The following HS2ST1 variants were observed in gnomAD, a reference collection of about 807,000 sequenced individuals.
The protein encoded by HS2ST1 is heparan sulfate 2-O-sulfotransferase 1, also known as 2-O-sulfotransferase.
Under a neutral mutation model 42.9 loss-of-function variants are expected in HS2ST1, and 18 were observed. That is an observed-to-expected ratio of 0.42 (90% CI 0.29 to 0.62). The LOEUF (loss-of-function observed/expected upper bound fraction) is 0.62. Among genes scored for constraint, HS2ST1 ranks in the 20% least tolerant of loss-of-function variants. The pLI is 0.21. For synonymous variants in HS2ST1, 146 were observed against 152.9 expected, an observed-to-expected ratio of 0.95 and a Z score of 0.33; for missense variants, 334 against 433.8, an observed-to-expected ratio of 0.77 and a Z score of 2.04.
intron 1 of HS2ST1, among the ~76,000 whole-genome samples, chr1:87,005,787 G>T (rs957860262): frequency 6.6e-6 from 1 of 152,122 alleles, no homozygotes; most frequent in African/African-American, 2.4e-5. Flanking sequence ...AAAATTTGGT[G>T]TACTTTGAAG....
chr1:87,003,283 T>C (rs1315487988), intron 1 of HS2ST1, among the ~76,000 whole-genome samples: 1 of 69,646 alleles, frequency 1.4e-5, no homozygotes, highest in African/African-American at 3.4e-5. Flanking sequence ...TAGGCTAAGA[T>C]TCAGGAGAAA....
chr1:87,102,100 C>T (rs1458202160), intron 5 of HS2ST1, among the ~76,000 whole-genome samples: 3 of 152,092 alleles, frequency 2.0e-5, no homozygotes, highest in Non-Finnish European at 4.4e-5. Context: ...TCTTGTCGCC[C>T]AGGCTGGAGT....
At chr1:87,083,770 A>C (rs901120520) in intron 2 of HS2ST1, among the ~76,000 whole-genome samples, 83 of 152,334 alleles carry the variant, frequency 5.4e-4, no homozygotes, top group African/African-American at 1.8e-3. Flanking sequence ...TTGTTGAGTC[A>C]TTAATAAAAA....
chr1:86,985,152 G>A (rs1428661509), intron 1 of HS2ST1, among the ~76,000 whole-genome samples: 1 of 149,300 alleles, frequency 6.7e-6, no homozygotes, highest in Non-Finnish European at 1.5e-5. Context: ...TCAGGAGATC[G>A]ACACCATCCT....
intron 1 of HS2ST1, among the ~76,000 whole-genome samples, chr1:87,072,623 G>A (rs1176211896): frequency 1.3e-5 from 2 of 151,976 alleles, no homozygotes; most frequent in African/African-American, 4.8e-5. Flanking sequence ...ATTCCTTTTT[G>A]TTCTTGATAT....
At chr1:86,999,539 C>T (rs944416375) in intron 1 of HS2ST1, among the ~76,000 whole-genome samples, 1 of 152,232 alleles carries the variant, frequency 6.6e-6, no homozygotes, top group East Asian at 1.9e-4. Flanking sequence ...TTTTGTTTAT[C>T]TATTAATAAT....
At chr1:87,104,407 T>C in intron 6 of HS2ST1, 63 bp from the exon 7 acceptor site, 1 of 1,015,476 alleles carries the variant, frequency 9.8e-7, no homozygotes, top group Non-Finnish European at 1.5e-6. Flanking sequence ...TAAAGAGGCA[T>C]TGATCTTTTG....
chr1:86,974,591 C>T (rs57181468), intron 1 of HS2ST1, among the ~76,000 whole-genome samples: 3,573 of 152,278 alleles, frequency 0.023, 72 homozygotes, highest in African/African-American at 0.049. Context: ...AGGACCCTTA[C>T]TTGGAACTGG....
intron 1 of HS2ST1, among the ~76,000 whole-genome samples, chr1:86,989,646 G>C (rs1648886125): frequency 6.6e-6 from 1 of 152,084 alleles, no homozygotes; most frequent in African/African-American, 2.4e-5. Context: ...AGGTATACAC[G>C]TGCCATGGTG....
chr1:86,935,107 T>G (rs1660618003), intron 1 of HS2ST1, among the ~76,000 whole-genome samples: 1 of 152,068 alleles, frequency 6.6e-6, no homozygotes, highest in Non-Finnish European at 1.5e-5. Flanking sequence ...GGAATTTAGC[T>G]GTGTAGGGAT....
intron 1 of HS2ST1, among the ~76,000 whole-genome samples, chr1:86,996,442 C>CAAA (rs67401349): frequency 8.9e-5 from 10 of 112,904 alleles, no homozygotes; most frequent in African/African-American, 2.4e-4. Context: ...AACTCTGTCT[C>CAAA]AAAAAAAAAA....
chr1:86,926,918 T>C (rs1039305723), intron 1 of HS2ST1, among the ~76,000 whole-genome samples: 7 of 152,200 alleles, frequency 4.6e-5, no homozygotes, highest in Non-Finnish European at 1.0e-4. Flanking sequence ...GTTAGTTAAT[T>C]CTTTGAAGTG....
intron 1 of HS2ST1, among the ~76,000 whole-genome samples, chr1:87,018,556 A>G (rs1649830828): frequency 2.0e-5 from 3 of 152,128 alleles, no homozygotes; most frequent in African/African-American, 4.8e-5. Context: ...GGGTGGTTTT[A>G]TAGTGGAGTG....
intron 1 of HS2ST1, among the ~76,000 whole-genome samples, chr1:86,973,222 C>CT (rs542967795): frequency 1.9e-3 from 274 of 141,644 alleles, no homozygotes; most frequent in African/African-American, 4.9e-3. Flanking sequence ...AATTTATGGT[C>CT]TTTTTTTTTT....
At chr1:86,926,721 C>T (rs1402314275) in intron 1 of HS2ST1, among the ~76,000 whole-genome samples, 1 of 152,138 alleles carries the variant, frequency 6.6e-6, no homozygotes, top group Non-Finnish European at 1.5e-5. Context: ...TTGAATTATA[C>T]TTAGTAATTA....
At chr1:87,088,547 C>T (rs557995619) in intron 3 of HS2ST1, among the ~76,000 whole-genome samples, 8 of 152,074 alleles carry the variant, frequency 5.3e-5, no homozygotes, top group African/African-American at 1.9e-4. Context: ...TTTGTGCGGA[C>T]TTATGTCTTA....
At chr1:87,016,775 G>A (rs193187573) in intron 1 of HS2ST1, among the ~76,000 whole-genome samples, 32 of 152,186 alleles carry the variant, frequency 2.1e-4, no homozygotes, top group Admixed American at 1.8e-3. Flanking sequence ...CTGTTCAGCC[G>A]TATCCTCTGG....
At chr1:87,009,804 G>T (rs539858231) in intron 1 of HS2ST1, among the ~76,000 whole-genome samples, 1 of 152,156 alleles carries the variant, frequency 6.6e-6, no homozygotes, top group African/African-American at 2.4e-5. Flanking sequence ...GGAGGCCGAG[G>T]CGGGTGGATC....
At chr1:86,952,271 T>C (rs1398122490) in intron 1 of HS2ST1, among the ~76,000 whole-genome samples, 1 of 152,212 alleles carries the variant, frequency 6.6e-6, no homozygotes, top group Non-Finnish European at 1.5e-5. Flanking sequence ...AGAATCTCGC[T>C]GTGTTGCCCA....
Sources: gnomAD v4.1 joint callset for allele counts (sites outside exome capture counted in the v4.1 genomes callset) on GRCh38, gnomAD v4.1.1 for gene constraint, MANE v1.5 for transcripts, NCBI Gene and HGNC (gene_info 2026-07-23, HGNC 2026-07-21) for gene names.